Variants in RANBP2 observed in about 807,000 individuals in gnomAD.
The protein encoded by RANBP2 is RAN binding protein 2, also known as E3 SUMO-protein ligase RanBP2.
RANBP2 carries 57 observed loss-of-function variants against 303.6 expected under a neutral mutation model. That is an observed-to-expected ratio of 0.19 (90% CI 0.15 to 0.23). RANBP2 has a LOEUF of 0.23. Ranked by LOEUF, RANBP2 falls within the 10% of genes least tolerant of loss-of-function variation. RANBP2 has a pLI of 1.00. For synonymous variants in RANBP2, 1,167 were observed against 1,301.5 expected (o/e 0.90, Z 2.23); for missense variants, 3,138 against 3,780.8 (o/e 0.83, Z 4.46).
At chr2:108,928,274 A>C in the RANBP2 span, among the ~76,000 whole-genome samples, 1 of 152,008 alleles carries the variant, frequency 6.6e-6, no homozygotes, top group Admixed American at 6.6e-5. Flanking sequence ...TCCTAGTCCT[A>C]CTTCTTAGCC....
chr2:109,139,833 T>C, the RANBP2 span, among the ~76,000 whole-genome samples: 1 of 152,210 alleles, frequency 6.6e-6, no homozygotes, highest in Non-Finnish European at 1.5e-5. Flanking sequence ...CAAAGACCAA[T>C]GTGTCCATTG....
chr2:109,371,952 C>T, the RANBP2 span, among the ~76,000 whole-genome samples: 1 of 152,204 alleles, frequency 6.6e-6, no homozygotes, highest in African/African-American at 2.4e-5. Context: ...CCCCCTTGTG[C>T]ACCTTCCCCG....
At chr2:109,337,607 A>G in the RANBP2 span, among the ~76,000 whole-genome samples, 6 of 152,006 alleles carry the variant, frequency 3.9e-5, no homozygotes, top group African/African-American at 1.2e-4. Context: ...TAGGAAGTCC[A>G]TCCTCCATTG....
At chr2:109,650,287 G>T in the RANBP2 span, among the ~76,000 whole-genome samples, 3 of 152,228 alleles carry the variant, frequency 2.0e-5, no homozygotes, top group South Asian at 6.2e-4. Context: ...GCAAACAACG[G>T]GAAGGTAAGG....
At chr2:108,880,910 C>T in the RANBP2 span, among the ~76,000 whole-genome samples, 4 of 152,176 alleles carry the variant, frequency 2.6e-5, no homozygotes, top group Non-Finnish European at 5.9e-5. Flanking sequence ...ACTTTCAAGT[C>T]GATTTGCTTC....
the RANBP2 span, among the ~76,000 whole-genome samples, chr2:108,916,528 C>T: frequency 1.3e-5 from 2 of 152,120 alleles, no homozygotes; most frequent in Admixed American, 6.5e-5. Flanking sequence ...CACCTGCCCT[C>T]GGCCAGCTGT....
the RANBP2 span, among the ~76,000 whole-genome samples, chr2:108,989,639 T>G: frequency 1.6e-4 from 25 of 152,280 alleles, 1 homozygote; most frequent in South Asian, 5.0e-3. Context: ...CCACCAGGAC[T>G]GCTCTTCCTT....
At chr2:109,731,165 C>A in the RANBP2 span, among the ~76,000 whole-genome samples, 1 of 152,116 alleles carries the variant, frequency 6.6e-6, no homozygotes, top group Non-Finnish European at 1.5e-5. Context: ...AACATCTTCA[C>A]CTGGGGTTTA....
At chr2:109,485,376 T>C in the RANBP2 span, among the ~76,000 whole-genome samples, 1 of 152,244 alleles carries the variant, frequency 6.6e-6, no homozygotes, top group Admixed American at 6.5e-5. Flanking sequence ...TTTTTGCAAA[T>C]CAAATTGTAT....
the RANBP2 span, among the ~76,000 whole-genome samples, chr2:108,927,787 C>T: frequency 6.6e-6 from 1 of 152,116 alleles, no homozygotes; most frequent in Non-Finnish European, 1.5e-5. Flanking sequence ...CACACACAAC[C>T]TCTATCCTCC....
chr2:108,747,985 A>T (rs967644409), intron 8 of RANBP2, among the ~76,000 whole-genome samples: 5 of 152,188 alleles, frequency 3.3e-5, no homozygotes, highest in African/African-American at 1.2e-4. Context: ...AGCCTTGGCA[A>T]CTGCTAATCT....
At chr2:108,980,462 A>AAT in the RANBP2 span, among the ~76,000 whole-genome samples, 2 of 151,968 alleles carry the variant, frequency 1.3e-5, no homozygotes, top group South Asian at 4.1e-4. Flanking sequence ...TCTAGGTTCA[A>AAT]ATATATATAT....
At chr2:109,048,788 T>C in the RANBP2 span, among the ~76,000 whole-genome samples, 3 of 152,210 alleles carry the variant, frequency 2.0e-5, no homozygotes, top group Non-Finnish European at 4.4e-5. Flanking sequence ...ATAAAGAAGT[T>C]GACATTTTTA....
chr2:108,855,235 AAAAG>A, the RANBP2 span, among the ~76,000 whole-genome samples: 1 of 152,216 alleles, frequency 6.6e-6, no homozygotes, highest in Non-Finnish European at 1.5e-5. Context: ...TCACTTGTGA[AAAAG>A]AAACCAAATA....
At chr2:109,223,556 A>G in the RANBP2 span, among the ~76,000 whole-genome samples, 24,764 of 151,854 alleles carry the variant, frequency 0.16, 4,002 homozygotes, top group African/African-American at 0.41. Flanking sequence ...GTGTGGGCAC[A>G]TGCTTCAGCT....
At chr2:108,785,814 T>G (rs796169733), downstream of RANBP2, 6 of 152,378 alleles carry the variant, frequency 3.9e-5, no homozygotes, top group African/African-American at 1.4e-4. Flanking sequence ...TTTGTACATC[T>G]TAAGTGGTAC....
At chr2:109,229,107 A>C in the RANBP2 span, among the ~76,000 whole-genome samples, 3 of 152,186 alleles carry the variant, frequency 2.0e-5, no homozygotes, top group African/African-American at 7.2e-5. Flanking sequence ...ATATCAGAAC[A>C]AAAGATACTC....
At chr2:109,120,189 G>C in the RANBP2 span, among the ~76,000 whole-genome samples, 1 of 152,198 alleles carries the variant, frequency 6.6e-6, no homozygotes, top group African/African-American at 2.4e-5. Flanking sequence ...CTGTAGGGTG[G>C]AGTCACCTGG....
At chr2:109,253,586 T>C in the RANBP2 span, among the ~76,000 whole-genome samples, 1 of 152,222 alleles carries the variant, frequency 6.6e-6, no homozygotes, top group East Asian at 1.9e-4. Context: ...AGCAAATTCT[T>C]ATTCTGACTA....
Sources: gnomAD v4.1 joint callset for allele counts (sites outside exome capture counted in the v4.1 genomes callset) on GRCh38, gnomAD v4.1.1 for gene constraint, MANE v1.5 for transcripts, NCBI Gene and HGNC (gene_info 2026-07-23, HGNC 2026-07-21) for gene names.